The following SNX2 variants were observed in gnomAD, a reference collection of about 807,000 sequenced individuals.
The protein encoded by SNX2 is sorting nexin 2, also known as sorting nexin-2.
Under a neutral mutation model 69.9 loss-of-function variants are expected in SNX2, and 25 were observed. That is an observed-to-expected ratio of 0.36 (90% confidence interval 0.26 to 0.50). The LOEUF is 0.50. Among genes scored for constraint, SNX2 ranks in the 20% least tolerant of loss-of-function variants. The pLI is 0.97. For missense variants in SNX2, 551 were observed against 613.3 expected (o/e 0.90, Z 1.07); for synonymous variants, 229 against 200.4 (o/e 1.14, Z -1.20).
At chr5:122,808,066 C>G (rs1753693855) in intron 6 of SNX2, among the ~76,000 whole-genome samples, 1 of 152,086 alleles carries the variant, frequency 6.6e-6, no homozygotes, top group Non-Finnish European at 1.5e-5. Flanking sequence ...TATCTGTTCT[C>G]TCATGTTTTA....
In SNX2 at chr5:122,829,054, T is replaced by C. The variant is rs185517866; in HGVS notation, c.1510-544T>C. 4.3e-3 allele frequency among the ~76,000 whole-genome samples: 644 copies of C among 150,766 alleles called. 7 individuals carry two copies. The highest frequency in any genetic ancestry group is 0.024 in the Middle Eastern group (7 of 290). On this transcript the variant is annotated intron_variant, in intron 14 of 14. Coordinates refer to ENST00000379516, the MANE Select transcript of SNX2 (RefSeq NM_003100.4). ...AATCGCTTGAACTGGGAGGTGGAGG[T>C]TGCAGTGAGCCGAGGTCATGCCATT...
chr5:122,791,562 A>G (rs1027013385), intron 1 of SNX2, among the ~76,000 whole-genome samples: 2 of 151,482 alleles, frequency 1.3e-5, no homozygotes. Flanking sequence ...GATTATAGGC[A>G]TGGGCCACTG....
chr5:122,818,912 T>C lies in SNX2; in HGVS notation c.1101T>C (p.Leu367=). ...HTALSRALSQ[L]AEVEEKIDQL... ...CTTTATCTAGAGCTTTGTCTCAGCT[T>C]GCAGAGGTTGAGGAGAAGATAGACC... The change falls in exon 11 of 15, where the codon CTT becomes CTC. Residue 367 remains leucine, a synonymous_variant. Coordinates refer to ENST00000379516, the MANE Select transcript of SNX2 (RefSeq NM_003100.4). 6.2e-7 allele frequency: 1 copy of C among 1,614,042 alleles called. No homozygotes were observed.
intron 1 of SNX2, among the ~76,000 whole-genome samples, chr5:122,781,261 T>C (rs1273833529): frequency 2.0e-5 from 3 of 152,244 alleles, no homozygotes; most frequent in African/African-American, 7.2e-5. Flanking sequence ...GGTGGAATCA[T>C]AGATTATGAA....
At chr5:122,818,250 TC>T (rs1160182507) in intron 10 of SNX2, among the ~76,000 whole-genome samples, 1 of 152,186 alleles carries the variant, frequency 6.6e-6, no homozygotes, top group African/African-American at 2.4e-5. Flanking sequence ...ATTTGAAATA[TC>T]TGAAATGATC....
At chr5:122,811,557 C>T (rs959577117) in intron 7 of SNX2, among the ~76,000 whole-genome samples, 9 of 152,054 alleles carry the variant, frequency 5.9e-5, no homozygotes, top group African/African-American at 1.7e-4. Context: ...TGAGGCTGGG[C>T]GCGGTGGCTC....
At chr5:122,796,563 A>G (rs994235138) in intron 2 of SNX2, among the ~76,000 whole-genome samples, 1 of 152,204 alleles carries the variant, frequency 6.6e-6, no homozygotes, top group Non-Finnish European at 1.5e-5. Context: ...GTGTCCTTTC[A>G]TGGACTTTTT....
At position 122,829,697 on chromosome 5, in the gene SNX2, G is replaced by A. The variant is rs773474848; in HGVS notation, c.*49G>A. The A allele has an allele frequency of 1.4e-6, 2 of 1,447,388 alleles. No individual in the cohort carries two copies. Among genetic ancestry groups the A allele is most frequent in the South Asian group, 1.1e-5 (1 of 87,466 alleles). 89.7% of individuals were successfully genotyped at this position (1,447,388 alleles called of 1,614,324 possible). ...AGACCTTGGATGTTGTTCCAGTTAT[G>A]CTGGATTCCACAGTGAAATCATTTA... On this transcript the variant is annotated 3_prime_UTR_variant, in exon 15 of 15. Transcript: ENST00000379516.
rs912893318 is a variant in SNX2, at chr5:122,829,984, T to G, written c.*336T>G. The G allele has an allele frequency of 4.7e-5, 12 of 254,040 alleles. No homozygotes were observed. The Middle Eastern group carries it at 3.9e-3, about 82-fold the overall frequency. The allele number at this position is 254,040 out of a possible 1,614,324, so 15.7% of individuals were successfully genotyped here. ...ACAATATTTTTTCTTTACAATATGTTCTGTAGTATGTTTACCCTCTTTATG... is the reference window on the plus strand; with the variant it reads ...ACAATATTTTTTCTTTACAATATGTGCTGTAGTATGTTTACCCTCTTTATG... On this transcript the variant is annotated 3_prime_UTR_variant, in exon 15 of 15. Coordinates refer to ENST00000379516, the MANE Select transcript of SNX2 (RefSeq NM_003100.4).
intron 7 of SNX2, chr5:122,808,685 C>G (rs1358665541): frequency 2.4e-5 from 4 of 165,226 alleles, no homozygotes; most frequent in African/African-American, 9.6e-5. Context: ...AGGTAGTCAC[C>G]AAGAGTTACT....
At chr5:122,783,964 A>C (rs1261645355) in intron 1 of SNX2, among the ~76,000 whole-genome samples, 5 of 151,928 alleles carry the variant, frequency 3.3e-5, no homozygotes, top group Non-Finnish European at 5.9e-5. Context: ...AGCTTTCAGC[A>C]TACAGATCTA....
intron 8 of SNX2, 138 bp from the exon 9 acceptor site, chr5:122,816,777 A>G (rs2150014416): frequency 2.0e-6 from 1 of 496,958 alleles, no homozygotes; most frequent in South Asian, 2.2e-5. Context: ...GAAATGTATG[A>G]GAGTGAAGAA....
In SNX2 at chr5:122,829,775, TACACACACACACACACACAC is replaced by T. The variant is rs3990570; in HGVS notation, c.*144_*163del. On this transcript the variant is annotated 3_prime_UTR_variant, in exon 15 of 15. Coordinates refer to ENST00000379516, the MANE Select transcript of SNX2 (RefSeq NM_003100.4). ...TTTATGAATTACATGTGGTTTTATA[TACACACACACACACACACAC>T]ACACACACACACACACTCTGACATT... is the stretch of plus-strand genomic sequence containing the variant. The T allele has an allele frequency of 1.1e-5, 6 of 525,590 alleles. No homozygotes were observed. The highest frequency in any genetic ancestry group is 1.8e-5 in the Non-Finnish European group (5 of 279,706). The allele number at this position is 525,590 out of a possible 1,614,324, so 32.6% of individuals were successfully genotyped here.
In SNX2 at chr5:122,830,521, CTAAAAG is replaced by C. The variant is rs1334959869; in HGVS notation, c.*876_*881del. On this transcript the variant is annotated 3_prime_UTR_variant, in exon 15 of 15. Coordinates refer to ENST00000379516, the MANE Select transcript of SNX2 (RefSeq NM_003100.4). ...GTCTTTTGGTTTTTTTTCTTTTAAACTAAAAGTATATCATCTGTGCTCACAGTTGAC... is the reference window on the plus strand; with the variant it reads ...GTCTTTTGGTTTTTTTTCTTTTAAACTATATCATCTGTGCTCACAGTTGAC... Among the ~76,000 whole-genome samples the C allele has an allele frequency of 6.6e-6, 1 of 151,924 alleles. No individual in the cohort carries two copies. Among genetic ancestry groups the C allele is most frequent in the African/African-American group, 2.4e-5 (1 of 41,366 alleles).
intron 14 of SNX2, among the ~76,000 whole-genome samples, 192 bp from the exon 15 acceptor site, chr5:122,829,406 T>G (rs1390583551): frequency 2.6e-5 from 4 of 151,950 alleles, no homozygotes; most frequent in Non-Finnish European, 4.4e-5. Flanking sequence ...GGTTTCACCA[T>G]GTTGACCAGG....
chr5:122,818,369 C>T (rs992835645), intron 10 of SNX2, among the ~76,000 whole-genome samples: 5 of 152,056 alleles, frequency 3.3e-5, no homozygotes, highest in African/African-American at 9.7e-5. Flanking sequence ...TACCTTTGCT[C>T]CTGTTAGCTA....
At chr5:122,825,335 C>T (rs978799407) in intron 11 of SNX2, among the ~76,000 whole-genome samples, 1 of 152,024 alleles carries the variant, frequency 6.6e-6, no homozygotes, top group Non-Finnish European at 1.5e-5. Context: ...TCTAATTACA[C>T]TAATTTGTCC....
chr5:122,813,235 A>C (rs2150012990), intron 7 of SNX2, among the ~76,000 whole-genome samples: 1 of 152,266 alleles, frequency 6.6e-6, no homozygotes, highest in Non-Finnish European at 1.5e-5. Context: ...TTATTGTTTT[A>C]AAATCCATTT....
chr5:122,819,731 G>A (rs3776188), intron 11 of SNX2, among the ~76,000 whole-genome samples: 4,572 of 152,238 alleles, frequency 0.03, 128 homozygotes, highest in East Asian at 0.04. Flanking sequence ...TTATCATGGG[G>A]TTTGAGGGGT....
Sources: gnomAD v4.1 joint callset for allele counts (sites outside exome capture counted in the v4.1 genomes callset) on GRCh38, gnomAD v4.1.1 for gene constraint, MANE v1.5 for transcripts, NCBI Gene and HGNC (gene_info 2026-07-23, HGNC 2026-07-21) for gene names.